The following LRP1B variants were observed in gnomAD, a reference collection of about 807,000 sequenced individuals.
The protein encoded by LRP1B is LDL receptor related protein 1B, also known as low-density lipoprotein receptor-related protein 1B.
In LRP1B, 217 loss-of-function variants were observed where a neutral mutation model predicts 556.6. The observed-to-expected ratio is 0.39, with a 90% CI of 0.35 to 0.44. The LOEUF (loss-of-function observed/expected upper bound fraction) is 0.44. LRP1B is among the 20% of genes least tolerant of loss of function. LRP1B has a pLI of 1.00. For missense variants in LRP1B, 5,053 were observed against 5,620.8 expected, an observed-to-expected ratio of 0.90 and a Z score of 3.23; for synonymous variants, 2,047 against 1,865.8, an observed-to-expected ratio of 1.10 and a Z score of -2.50.
chr2:141,681,961 C>T (rs1691120452), intron 2 of LRP1B, among the ~76,000 whole-genome samples: 1 of 152,148 alleles, frequency 6.6e-6, no homozygotes, highest in Non-Finnish European at 1.5e-5. Flanking sequence ...GGAGGATTAA[C>T]ATCTCTTTGA....
chr2:140,501,302 T>C (rs1322054276), intron 55 of LRP1B, among the ~76,000 whole-genome samples: 2 of 152,102 alleles, frequency 1.3e-5, no homozygotes, highest in East Asian at 1.9e-4. Context: ...TCCAGTGTTG[T>C]AGTAAATGAT....
chr2:141,610,259 T>C (rs1279644773), intron 2 of LRP1B, among the ~76,000 whole-genome samples: 1 of 100,540 alleles, frequency 9.9e-6, no homozygotes, highest in Non-Finnish European at 2.5e-5. Context: ...ATGACACATG[T>C]ATACATATGT....
intron 2 of LRP1B, among the ~76,000 whole-genome samples, chr2:141,736,745 T>C (rs1693480615): frequency 1.3e-5 from 2 of 151,916 alleles, no homozygotes; most frequent in Admixed American, 1.3e-4. Context: ...TTCCCAGGAG[T>C]CATTTGCATC....
At chr2:140,758,697 T>C (rs1279128077) in intron 35 of LRP1B, among the ~76,000 whole-genome samples, 2 of 152,012 alleles carry the variant, frequency 1.3e-5, no homozygotes, top group African/African-American at 4.8e-5. Context: ...CCTTTATTGT[T>C]ATCAGTAAAT....
chr2:140,456,421 C>A (rs754166270), intron 62 of LRP1B, 34 bp downstream of exon 62: 2 of 1,596,794 alleles, frequency 1.3e-6, no homozygotes, highest in Non-Finnish European at 1.7e-6. Flanking sequence ...TTTCACCATA[C>A]ACTCTATAAT....
intron 31 of LRP1B, among the ~76,000 whole-genome samples, chr2:140,816,476 G>A (rs116086201): frequency 1.4e-4 from 22 of 152,192 alleles, no homozygotes; most frequent in African/African-American, 5.1e-4. Flanking sequence ...TAGAGGAAGA[G>A]CAATGATTCA....
chr2:140,372,900 G>A, intron 69 of LRP1B, 108 bp downstream of exon 69: 1 of 1,147,776 alleles, frequency 8.7e-7, no homozygotes, highest in East Asian at 2.4e-5. Flanking sequence ...TCTTAAAAAT[G>A]GTAAACATAT....
At chr2:141,758,257 A>G (rs1171469185) in intron 2 of LRP1B, among the ~76,000 whole-genome samples, 1 of 152,194 alleles carries the variant, frequency 6.6e-6, no homozygotes, top group Non-Finnish European at 1.5e-5. Flanking sequence ...AGATAAAAAC[A>G]TCACATACTG....
At chr2:141,725,275 T>G (rs1206873184) in intron 2 of LRP1B, among the ~76,000 whole-genome samples, 1 of 151,936 alleles carries the variant, frequency 6.6e-6, no homozygotes, top group Admixed American at 6.6e-5. Flanking sequence ...TAAAGTAAAC[T>G]ATAAATAAAC....
intron 23 of LRP1B, among the ~76,000 whole-genome samples, chr2:140,895,441 C>T (rs1022301969): frequency 6.6e-6 from 1 of 152,164 alleles, no homozygotes; most frequent in African/African-American, 2.4e-5. Context: ...CTCTCAACCC[C>T]TCGTGGGAAG....
intron 43 of LRP1B, among the ~76,000 whole-genome samples, chr2:140,578,690 T>A (rs1681633149): frequency 1.3e-5 from 2 of 151,992 alleles, no homozygotes; most frequent in East Asian, 3.9e-4. Flanking sequence ...TGTATACATA[T>A]GTAACAAACC....
intron 7 of LRP1B, among the ~76,000 whole-genome samples, chr2:141,083,656 ATTAACGGATTAATAGG>A (rs938471113): frequency 6.6e-6 from 1 of 152,186 alleles, no homozygotes; most frequent in Admixed American, 6.5e-5. Flanking sequence ...CCATTTATGG[ATTAACGGATTAATAGG>A]TTAATGGATT....
At chr2:141,561,885 T>TA (rs1013681676) in intron 2 of LRP1B, among the ~76,000 whole-genome samples, 2 of 151,904 alleles carry the variant, frequency 1.3e-5, no homozygotes, top group South Asian at 2.1e-4. Context: ...AGCTTATTTT[T>TA]AAAAAATATT....
intron 1 of LRP1B, among the ~76,000 whole-genome samples, chr2:141,834,499 T>C (rs1366918771): frequency 3.3e-5 from 5 of 151,916 alleles, no homozygotes; most frequent in Non-Finnish European, 7.4e-5. Flanking sequence ...GCAGGTGTTT[T>C]TCTGAGTGGA....
chr2:141,886,355 T>C (rs947096622), intron 1 of LRP1B, among the ~76,000 whole-genome samples: 3 of 152,182 alleles, frequency 2.0e-5, no homozygotes, highest in Admixed American at 6.5e-5. Context: ...CTTTTAAAAA[T>C]TATACTCATG....
At chr2:141,379,920 G>C (rs1029676518) in intron 3 of LRP1B, among the ~76,000 whole-genome samples, 1 of 152,140 alleles carries the variant, frequency 6.6e-6, no homozygotes. Flanking sequence ...ACTGCCTAAA[G>C]GTCTGCCTAA....
intron 7 of LRP1B, among the ~76,000 whole-genome samples, chr2:141,117,356 A>C (rs2104985868): frequency 6.6e-6 from 1 of 151,810 alleles, no homozygotes; most frequent in African/African-American, 2.4e-5. Context: ...AGTTTCTTTT[A>C]AAACACTAGT....
intron 43 of LRP1B, among the ~76,000 whole-genome samples, chr2:140,590,018 C>A (rs531883897): frequency 2.2e-4 from 33 of 152,144 alleles, no homozygotes; most frequent in African/African-American, 7.7e-4. Context: ...GTAAAGAGTA[C>A]ACTTGATCCT....
chr2:142,042,801 C>A (rs1164061642), intron 1 of LRP1B, among the ~76,000 whole-genome samples: 2 of 151,508 alleles, frequency 1.3e-5, no homozygotes, highest in Non-Finnish European at 3.0e-5. Flanking sequence ...AATCTAATTT[C>A]TTTTCCTTTT....
Sources: allele counts gnomAD v4.1 joint callset (sites outside exome capture counted in the v4.1 genomes callset), GRCh38; gene constraint gnomAD v4.1.1; transcripts MANE v1.5; gene names NCBI Gene and HGNC (gene_info 2026-07-23, HGNC 2026-07-21).